Variants in MYO9A observed in about 807,000 individuals in gnomAD.
MYO9A encodes myosin IXA.
A neutral mutation model predicts 293.3 loss-of-function variants in MYO9A; 103 were observed. The ratio of observed to expected loss-of-function variants is 0.35; its 90% CI spans 0.30 to 0.41. The LOEUF is 0.41. MYO9A is among the 10% of genes least tolerant of loss of function. The pLI is 1.00. For missense variants in MYO9A, 2,685 were observed against 3,033.0 expected (o/e 0.89, Z 2.69); for synonymous variants, 1,001 against 1,035.7 (o/e 0.97, Z 0.64).
chr15:71,850,984 T>A (rs1253875593), intron 37 of MYO9A, among the ~76,000 whole-genome samples: 1 of 151,814 alleles, frequency 6.6e-6, no homozygotes, highest in Non-Finnish European at 1.5e-5. Flanking sequence ...CTAGTTCAGC[T>A]GTTAGAAAAC....
intron 1 of MYO9A, among the ~76,000 whole-genome samples, chr15:72,112,091 T>C (rs2080799563): frequency 6.6e-6 from 1 of 152,156 alleles, no homozygotes; most frequent in African/African-American, 2.4e-5. Context: ...TATAAAAGCC[T>C]ATCTAAGGAA....
At chr15:72,037,776 C>T (rs1013928237) in intron 2 of MYO9A, among the ~76,000 whole-genome samples, 17 of 151,994 alleles carry the variant, frequency 1.1e-4, no homozygotes, top group Non-Finnish European at 2.9e-5. Context: ...TTAAAAATGT[C>T]TAGTTTTCAC....
intron 1 of MYO9A, among the ~76,000 whole-genome samples, chr15:72,100,288 G>C (rs924064922): frequency 1.3e-5 from 2 of 152,218 alleles, no homozygotes; most frequent in East Asian, 1.9e-4. Flanking sequence ...AGGCCGAGGC[G>C]TGCAGATCAC....
chr15:71,989,348 G>A (rs1184679279), intron 11 of MYO9A, among the ~76,000 whole-genome samples: 2 of 152,128 alleles, frequency 1.3e-5, no homozygotes, highest in Non-Finnish European at 2.9e-5. Context: ...CTAGAACTAA[G>A]AGACCAAAGC....
intron 1 of MYO9A, among the ~76,000 whole-genome samples, chr15:72,092,909 T>A (rs1046438044): frequency 7.3e-6 from 1 of 137,110 alleles, no homozygotes; most frequent in East Asian, 2.2e-4. Context: ...ACCACCTTAC[T>A]TACACACACA....
At chr15:72,048,966 C>T (rs2078474727) in intron 1 of MYO9A, among the ~76,000 whole-genome samples, 2 of 152,132 alleles carry the variant, frequency 1.3e-5, no homozygotes, top group South Asian at 2.1e-4. Flanking sequence ...TACTTAAGGG[C>T]TATTACTCCT....
At chr15:72,113,075 A>C (rs940895584) in intron 1 of MYO9A, among the ~76,000 whole-genome samples, 1 of 152,158 alleles carries the variant, frequency 6.6e-6, no homozygotes, top group Non-Finnish European at 1.5e-5. Flanking sequence ...TTCTGAACTT[A>C]TATTTTTTAA....
intron 15 of MYO9A, among the ~76,000 whole-genome samples, chr15:71,943,387 ATT>A (rs1354135385): frequency 6.6e-6 from 1 of 151,974 alleles, no homozygotes; most frequent in Non-Finnish European, 1.5e-5. Flanking sequence ...TATCTTCTAT[ATT>A]TGTCTCTGTA....
chr15:72,058,691 C>A (rs1239619791), intron 1 of MYO9A, among the ~76,000 whole-genome samples: 1 of 152,088 alleles, frequency 6.6e-6, no homozygotes, highest in Admixed American at 6.5e-5. Flanking sequence ...AAAGTATATG[C>A]TAACAGTATA....
chr15:72,072,475 T>C (rs564964627), intron 1 of MYO9A, among the ~76,000 whole-genome samples: 18 of 152,182 alleles, frequency 1.2e-4, no homozygotes, highest in Non-Finnish European at 2.4e-4. Flanking sequence ...CTATTCACAA[T>C]AGCAAAGTTA....
chr15:71,839,527 G>A (rs748037165), intron 39 of MYO9A, among the ~76,000 whole-genome samples: 2 of 152,026 alleles, frequency 1.3e-5, no homozygotes, highest in Admixed American at 1.3e-4. Context: ...TTCTACCTCA[G>A]TGTCCCCAAT....
At chr15:72,057,038 C>T (rs557770270) in intron 1 of MYO9A, among the ~76,000 whole-genome samples, 14 of 151,954 alleles carry the variant, frequency 9.2e-5, no homozygotes, top group African/African-American at 2.9e-4. Flanking sequence ...ACCTGGGAGG[C>T]GGAGGTTGCA....
At chr15:71,933,624 T>C (rs1392252073) in intron 18 of MYO9A, 46 bp downstream of exon 18, 3 of 1,516,908 alleles carry the variant, frequency 2.0e-6, no homozygotes, top group Non-Finnish European at 1.8e-6. Context: ...TAAAAAATAA[T>C]TGTGTAGCAG....
intron 21 of MYO9A, 33 bp from the exon 22 acceptor site, chr15:71,903,096 G>C: frequency 6.5e-7 from 1 of 1,543,184 alleles, no homozygotes. Flanking sequence ...TGTAAAATCA[G>C]AAAACAGTGT....
At chr15:72,017,308 C>A (rs116027177) in intron 6 of MYO9A, among the ~76,000 whole-genome samples, 3 of 152,106 alleles carry the variant, frequency 2.0e-5, no homozygotes, top group Non-Finnish European at 4.4e-5. Flanking sequence ...CCACTACTCT[C>A]GGCCCCCAAA....
chr15:71,910,101 CGTATATATATACGT>C (rs2057790570), intron 19 of MYO9A, among the ~76,000 whole-genome samples: 1 of 137,786 alleles, frequency 7.3e-6, no homozygotes, highest in Non-Finnish European at 1.6e-5. Flanking sequence ...TATATATATA[CGTATATATATACGT>C]GTATATATAC....
chr15:71,981,641 G>GTGTCTCTCTCTCTC (rs1298978375), intron 11 of MYO9A, among the ~76,000 whole-genome samples: 10 of 144,394 alleles, frequency 6.9e-5, no homozygotes, highest in Non-Finnish European at 1.5e-4. Context: ...TCTCTGTCTT[G>GTGTCTCTCTCTCTC]TCTCTCTCTC....
rs138711800 is a variant in MYO9A at position 71,899,901 on chromosome 15, G to T, written c.3256C>A (p.Arg1086Ser). 6.8e-6 allele frequency: 11 copies of T among 1,614,014 alleles called. No individual in the cohort carries two copies. In the South Asian group the frequency reaches 7.7e-5, roughly 11 times the overall value. ...SAAALLQASW[R>S]AHLERQRYLE... Reference sequence around the variant, plus strand: ...TACCGCTGCCTCTCTAAGTGAGCACGCCAGGAAGCTTGGAGAAGAGCAGCT... The same window carrying T: ...TACCGCTGCCTCTCTAAGTGAGCACTCCAGGAAGCTTGGAGAAGAGCAGCT... Residue 1086 changes from arginine to serine, a missense_variant, in exon 24 of 42, where the codon CGT becomes AGT. Arg to Ser is a moderately radical substitution (Grantham distance 110). Around this residue, in one of 10 missense-constraint regions of MYO9A, gnomAD observed 1,434 missense variants for 1,497.7 expected, o/e 0.96. Transcript: ENST00000356056.
intron 1 of MYO9A, among the ~76,000 whole-genome samples, chr15:72,112,324 C>G (rs150426896): frequency 2.0e-5 from 3 of 152,148 alleles, no homozygotes; most frequent in African/African-American, 7.2e-5. Flanking sequence ...TTCAGTTGCC[C>G]GCTGGATGAC....
Sources: gnomAD v4.1 joint callset for allele counts (sites outside exome capture counted in the v4.1 genomes callset) on GRCh38, gnomAD v4.1.1 for gene constraint, gnomAD v4.1.1 regional missense constraint, MANE v1.5 for transcripts, NCBI Gene and HGNC (gene_info 2026-07-23, HGNC 2026-07-21) for gene names.